Variants in ZNF878 observed in about 807,000 individuals in gnomAD.
ZNF878 encodes the protein zinc finger protein 878.
Under a neutral mutation model 11.1 loss-of-function variants are expected in ZNF878, and 10 were observed. The observed-to-expected ratio is 0.90, with a 90% CI of 0.56 to 1.53. The LOEUF (loss-of-function observed/expected upper bound fraction) is 1.53. Among genes scored for constraint, ZNF878 ranks in the 40% most tolerant of loss-of-function variants. ZNF878 has a pLI of 0.00. For missense variants in ZNF878, 548 were observed against 626.1 expected, an observed-to-expected ratio of 0.88 and a Z score of 1.33; for synonymous variants, 165 against 209.7, an observed-to-expected ratio of 0.79 and a Z score of 1.84.
chr19:12,047,423 G>A (rs910418128), intron 1 of ZNF878, among the ~76,000 whole-genome samples: 1 of 151,920 alleles, frequency 6.6e-6, no homozygotes, highest in Non-Finnish European at 1.5e-5. Context: ...AATTAGCCAG[G>A]CATAGTGATG....
intron 2 of ZNF878, 57 bp downstream of exon 2, chr19:12,046,577 T>C: frequency 6.2e-7 from 1 of 1,608,828 alleles, no homozygotes; most frequent in Non-Finnish European, 8.5e-7. Context: ...ACAGCACTGA[T>C]GAGCTAGAAA....
chr19:12,048,804 G>T (rs1443975790), intron 1 of ZNF878, among the ~76,000 whole-genome samples: 1 of 147,592 alleles, frequency 6.8e-6, no homozygotes, highest in African/African-American at 2.5e-5. Context: ...TTGCACTCCA[G>T]CTTGGGCAAC....
chr19:12,046,518 T>C, intron 2 of ZNF878, 90 bp from the exon 3 acceptor site: 1 of 1,557,148 alleles, frequency 6.4e-7, no homozygotes, highest in Non-Finnish European at 8.8e-7. Context: ...TCATTGCACC[T>C]GTGTCTCATT....
At position 12,043,865 on chromosome 19, in the gene ZNF878, A is replaced by G; in HGVS notation, c.1536T>C (p.Cys512=). Residue 512 remains cysteine, a synonymous_variant, in exon 4 of 4, where the codon TGT becomes TGC. Coordinates refer to ENST00000547628, the MANE Select transcript of ZNF878 (RefSeq NM_001080404.3). The part of the protein sequence containing the change: ...TGEKPYECKQ[C]GKAFRSASIL... ...TTGAGGCAGATCTAAAGGCTTTACC[A>G]CATTGCTTACACTCATAGGGTTTCT... 6.2e-7 allele frequency: 1 copy of G among 1,613,684 alleles called. No individual in the cohort carries two copies. The highest frequency in any genetic ancestry group is 8.5e-7 in the Non-Finnish European group (1 of 1,179,886).
In ZNF878 at chr19:12,044,389, GT is replaced by G; in HGVS notation, c.1011del (p.Lys337AsnfsTer9). On this transcript the variant is annotated frameshift_variant, in exon 4 of 4. Coordinates refer to ENST00000547628, the MANE Select transcript of ZNF878 (RefSeq NM_001080404.3). LOFTEE classifies it low-confidence loss of function (END_TRUNC). ...RYHEKTHTGE[K>X]PYECKKCVKA... is the part of the protein sequence containing the mutation. Reference sequence around the variant, plus strand: ...TTCACACATTTTTTACATTCATAAGGTTTCTCTCCAGTGTGAGTCTTTTCAT... The same window carrying G: ...TTCACACATTTTTTACATTCATAAGGTTCTCTCCAGTGTGAGTCTTTTCAT... 6.2e-7 allele frequency: 1 copy of G among 1,613,912 alleles called. No individual in the cohort carries two copies. The highest frequency in any genetic ancestry group is 8.5e-7 in the Non-Finnish European group (1 of 1,179,998).
At chr19:12,052,368 TA>T (rs1975559999) in intron 1 of ZNF878, among the ~76,000 whole-genome samples, 1 of 152,208 alleles carries the variant, frequency 6.6e-6, no homozygotes, top group African/African-American at 2.4e-5. Flanking sequence ...CGCTGTTTGC[TA>T]AAATAAACTC....
Position 12,052,779 on chromosome 19 carries a change from C to G in ZNF878, c.3+20G>C. ...CAGTCCCTCCTTTCGCCTTGGGACTCCCCAGCACCGCATGCTCACCATTTC... is the reference window on the plus strand; with the variant it reads ...CAGTCCCTCCTTTCGCCTTGGGACTGCCCAGCACCGCATGCTCACCATTTC... On this transcript the variant is annotated intron_variant, in intron 1 of 3. Transcript: ENST00000547628. The G allele has an allele frequency of 6.5e-7, 1 of 1,535,930 alleles. No homozygotes were observed. Among genetic ancestry groups the G allele is most frequent in the Non-Finnish European group, 8.7e-7 (1 of 1,146,724 alleles).
Position 12,052,938 on chromosome 19 carries a change from A to C in ZNF878, c.-137T>G, listed in dbSNP as rs1001201470. The C allele has an allele frequency of 7.2e-7, 1 of 1,383,742 alleles. No individual in the cohort carries two copies. The highest frequency in any genetic ancestry group is 2.5e-5 in the East Asian group (1 of 39,914). 85.7% of individuals were successfully genotyped at this position (1,383,742 alleles called of 1,614,324 possible). ...CGGAGCAAGAAAGCCCCAGACCTTA[A>C]CTAGCGCGAGCAGCCCTAGGAGTGA... On this transcript the variant is annotated 5_prime_UTR_variant, in exon 1 of 4. Transcript: ENST00000547628.
intron 2 of ZNF878, 29 bp from the exon 3 acceptor site, chr19:12,046,457 T>C: frequency 6.4e-7 from 1 of 1,560,100 alleles, no homozygotes; most frequent in Non-Finnish European, 8.7e-7. Context: ...AAAATAGTCC[T>C]GAATTAGTAT....
chr19:12,046,713 C>G lies in ZNF878; in HGVS notation c.51G>C (p.Glu17Asp). The change falls in exon 2 of 4, where the codon GAG becomes GAC. Residue 17 changes from glutamate to aspartate, a missense_variant. This residue lies in a region of ZNF878 where 160 missense variants were observed against 173.3 expected (regional missense o/e 0.92). Coordinates refer to ENST00000547628, the MANE Select transcript of ZNF878 (RefSeq NM_001080404.3). ...TCTGGGAAGGATCCAGCAAAGCCCA[C>G]TCCTCCTGGGTGAAGTTCACAGCCA... ...EDVAVNFTQE[E>D]WALLDPSQKN... 2 of 1,614,118 alleles carry G rather than the reference C, an allele frequency of 1.2e-6. No homozygotes were observed. Among genetic ancestry groups the G allele is most frequent in the African/African-American group, 1.3e-5 (1 of 75,026 alleles).
chr19:12,047,623 C>G (rs1463511404), intron 1 of ZNF878, among the ~76,000 whole-genome samples: 1 of 151,366 alleles, frequency 6.6e-6, no homozygotes, highest in Non-Finnish European at 1.5e-5. Context: ...AACAAAAACT[C>G]ACAAAAAGAA....
chr19:12,047,472 G>A (rs1975505136), intron 1 of ZNF878, among the ~76,000 whole-genome samples: 1 of 151,872 alleles, frequency 6.6e-6, no homozygotes, highest in Non-Finnish European at 1.5e-5. Flanking sequence ...ACTGAAGCAG[G>A]AGAATCACTT....
intron 1 of ZNF878, among the ~76,000 whole-genome samples, chr19:12,049,692 C>A (rs559709415): frequency 2.0e-5 from 3 of 150,908 alleles, no homozygotes; most frequent in South Asian, 4.2e-4. Flanking sequence ...ATCACTTGAA[C>A]CTGGGAGGTG....
At position 12,044,053 on chromosome 19, in the gene ZNF878, G is replaced by T; in HGVS notation, c.1348C>A (p.Pro450Thr). The T allele has an allele frequency of 6.2e-7, 1 of 1,614,046 alleles. No homozygotes were observed. The highest frequency in any genetic ancestry group is 1.1e-5 in the South Asian group (1 of 91,078). ...MHERTHTGEKPYECKQCGKAF... is the reference protein window; with the variant it reads ...MHERTHTGEKTYECKQCGKAF... ...TTTCCACATTGCTTACACTCATAGG[G>T]TTTCTCTCCTGTGTGAGTCCTTTCA... The change falls in exon 4 of 4, where the codon CCC (proline) becomes ACC (threonine). Residue 450 changes from proline (P) to threonine (T), a missense_variant. By Grantham distance (38) the Pro-to-Thr change is conservative (BLOSUM62 -1). Transcript: ENST00000547628.
At position 12,044,572 on chromosome 19, in the gene ZNF878, G is replaced by C; in HGVS notation, c.829C>G (p.His277Asp). The C allele has an allele frequency of 6.2e-7, 1 of 1,614,064 alleles. No individual in the cohort carries two copies. Among genetic ancestry groups the C allele is most frequent in the Non-Finnish European group, 8.5e-7 (1 of 1,180,010 alleles). ...PSSFQYHERT[H>D]SGEKPYECTQ... ...CACTCATAGGGTTTCTCTCCACTGT[G>C]AGTCCTTTCATGATATTGAAAGGAA... The change falls in exon 4 of 4, where the codon CAC (histidine) becomes GAC (aspartate). Residue 277 changes from histidine (H) to aspartate (D), a missense_variant. Physicochemically the swap from His to Asp is moderately conservative, Grantham distance 81. Transcript: ENST00000547628.
intron 1 of ZNF878, among the ~76,000 whole-genome samples, chr19:12,051,605 C>T (rs1180965367): frequency 6.7e-6 from 1 of 149,246 alleles, no homozygotes; most frequent in Non-Finnish European, 1.5e-5. Context: ...AACCCCGTCT[C>T]TACTAAAAAT....
intron 1 of ZNF878, among the ~76,000 whole-genome samples, chr19:12,048,778 G>A (rs976111291): frequency 6.7e-6 from 1 of 148,726 alleles, no homozygotes; most frequent in South Asian, 2.1e-4. Flanking sequence ...AGATTACAAT[G>A]AGCCAAGATC....
chr19:12,052,741 T>C, intron 1 of ZNF878, 58 bp downstream of exon 1: 1 of 1,531,698 alleles, frequency 6.5e-7, no homozygotes, highest in Non-Finnish European at 8.7e-7. Flanking sequence ...AGCGGGTTCC[T>C]CTCGGTTCCA....
At chr19:12,043,765 A>G, downstream of ZNF878, 2 of 1,519,986 alleles carry the variant, frequency 1.3e-6, no homozygotes, top group Non-Finnish European at 1.8e-6. Context: ...TCTGAGTCCC[A>G]TCTAAGGACT....
Sources: gnomAD v4.1 joint callset for allele counts (sites outside exome capture counted in the v4.1 genomes callset) on GRCh38, gnomAD v4.1.1 for gene constraint, gnomAD v4.1.1 regional missense constraint, MANE v1.5 for transcripts, NCBI Gene and HGNC (gene_info 2026-07-23, HGNC 2026-07-21) for gene names.